SUGCT: variants seen among roughly 807,000 people sequenced by gnomAD.
SUGCT encodes the protein succinyl-CoA:glutarate CoA-transferase.
In SUGCT, 41 loss-of-function variants were observed where a neutral mutation model predicts 55.0. The observed-to-expected ratio is 0.74, with a 90% CI of 0.58 to 0.97. The LOEUF (loss-of-function observed/expected upper bound fraction) is 0.97, where lower values mean the gene tolerates loss of function less well. Ranked by LOEUF, SUGCT falls within the 50% of genes least tolerant of loss-of-function variation. SUGCT has a pLI of 0.00. For missense variants in SUGCT, 568 were observed against 547.8 expected (o/e 1.04, Z -0.37); for synonymous variants, 187 against 200.4 (o/e 0.93, Z 0.56).
the SUGCT span, among the ~76,000 whole-genome samples, chr7:40,958,878 C>T: frequency 6.6e-6 from 1 of 152,146 alleles, no homozygotes; most frequent in African/African-American, 2.4e-5. Flanking sequence ...GATGTTGATG[C>T]TATTGCTTCC....
At chr7:41,005,863 T>G in the SUGCT span, among the ~76,000 whole-genome samples, 1 of 152,212 alleles carries the variant, frequency 6.6e-6, no homozygotes, top group Non-Finnish European at 1.5e-5. Flanking sequence ...CTCAACCTTG[T>G]GTAAGTACTC....
intron 1 of SUGCT, among the ~76,000 whole-genome samples, chr7:40,155,013 G>A (rs1013065433): frequency 2.6e-5 from 4 of 152,180 alleles, no homozygotes; most frequent in Non-Finnish European, 4.4e-5. Flanking sequence ...GAGGCAGGGC[G>A]TGGTGGCTCA....
intron 6 of SUGCT, among the ~76,000 whole-genome samples, chr7:40,235,755 T>C (rs570912296): frequency 6.6e-6 from 1 of 152,294 alleles, no homozygotes; most frequent in South Asian, 2.1e-4. Flanking sequence ...GTATACACTT[T>C]AGTAGGGAGG....
At chr7:41,007,247 C>G in the SUGCT span, among the ~76,000 whole-genome samples, 1 of 152,212 alleles carries the variant, frequency 6.6e-6, no homozygotes, top group Admixed American at 6.5e-5. Flanking sequence ...TCTCAAGTGG[C>G]ACCCTGACTA....
At chr7:40,783,133 C>T (rs1789841395) in intron 13 of SUGCT, among the ~76,000 whole-genome samples, 1 of 152,148 alleles carries the variant, frequency 6.6e-6, no homozygotes, top group East Asian at 1.9e-4. Flanking sequence ...GCCAGAAATG[C>T]AATGAAATCT....
chr7:40,684,756 G>A (rs73124030), intron 12 of SUGCT, among the ~76,000 whole-genome samples: 30,680 of 152,050 alleles, frequency 0.2, 3,225 homozygotes, highest in Non-Finnish European at 0.23. Context: ...GGTTAAATAA[G>A]TAGCTAATAT....
intron 12 of SUGCT, among the ~76,000 whole-genome samples, chr7:40,732,064 G>A (rs1056837481): frequency 2.6e-5 from 4 of 152,144 alleles, no homozygotes; most frequent in African/African-American, 7.2e-5. Flanking sequence ...ACTACAAACC[G>A]GACTGCTTAA....
the SUGCT span, among the ~76,000 whole-genome samples, chr7:40,866,923 T>C: frequency 1.1e-4 from 16 of 151,860 alleles, no homozygotes; most frequent in Middle Eastern, 6.8e-3. Context: ...TGAGGTGAAA[T>C]GAGTAGCTTG....
chr7:40,421,224 C>T (rs913120484), intron 9 of SUGCT, among the ~76,000 whole-genome samples: 1 of 152,166 alleles, frequency 6.6e-6, no homozygotes, highest in East Asian at 1.9e-4. Flanking sequence ...ACTGCTTTTT[C>T]AGTTCTGGGG....
At chr7:40,902,799 G>A in the SUGCT span, among the ~76,000 whole-genome samples, 2 of 151,992 alleles carry the variant, frequency 1.3e-5, no homozygotes, top group African/African-American at 4.8e-5. Context: ...AAGTATTCCT[G>A]CATCCAGTTC....
chr7:40,245,423 A>ATATATTTTTT (rs1344678220), intron 7 of SUGCT, among the ~76,000 whole-genome samples: 1 of 54,580 alleles, frequency 1.8e-5, no homozygotes, highest in Non-Finnish European at 3.3e-5. Flanking sequence ...ATATATATAT[A>ATATATTTTTT]TTTTTTTTTT....
chr7:40,457,553 C>T (rs1478687558), intron 10 of SUGCT, among the ~76,000 whole-genome samples: 1 of 152,112 alleles, frequency 6.6e-6, no homozygotes, highest in African/African-American at 2.4e-5. Context: ...TTATCCCAGG[C>T]AGCACTCTTT....
At chr7:40,904,860 A>G in the SUGCT span, among the ~76,000 whole-genome samples, 6 of 152,178 alleles carry the variant, frequency 3.9e-5, no homozygotes, top group African/African-American at 1.4e-4. Flanking sequence ...TTAACTTCCT[A>G]TTCTTTCACT....
chr7:40,394,671 C>CCCCAGTGCTTCCTCTG (rs1785623565), intron 9 of SUGCT, among the ~76,000 whole-genome samples: 1 of 152,208 alleles, frequency 6.6e-6, no homozygotes, highest in Non-Finnish European at 1.5e-5. Flanking sequence ...ACCAGCATCT[C>CCCCAGTGCTTCCTCTG]CCCAGTGCTT....
rs1404676751 is a variant in SUGCT at position 40,304,750 on chromosome 7, AATAATAATAATC to A, written c.721-12007_721-11996del. On this transcript the variant is annotated intron_variant, in intron 8 of 13. Transcript: ENST00000335693. ...TAATAATAATAATAATAATAATAAT[AATAATAATAATC>A]ATCCAGGTTGCTGTTAATGTCATTA... Among the ~76,000 whole-genome samples, 522 of 80,600 alleles carry A rather than the reference AATAATAATAATC, an allele frequency of 6.5e-3. 5 individuals carry two copies. Among genetic ancestry groups the A allele is most frequent in the Middle Eastern group, 0.024 (5 of 206 alleles). 52.9% of individuals were successfully genotyped at this position (80,600 alleles called of 152,430 possible). A position where few individuals can be genotyped will look rare whatever the true frequency, so the allele number is the denominator to read the frequency against.
intron 9 of SUGCT, among the ~76,000 whole-genome samples, chr7:40,422,168 A>C (rs1405778820): frequency 1.3e-5 from 2 of 151,414 alleles, no homozygotes; most frequent in Admixed American, 1.3e-4. Flanking sequence ...TTTGTAATAT[A>C]AGCTAACTGC....
chr7:40,204,040 G>A (rs1786786610), intron 6 of SUGCT, among the ~76,000 whole-genome samples: 1 of 151,872 alleles, frequency 6.6e-6, no homozygotes, highest in Non-Finnish European at 1.5e-5. Context: ...CTAGGCTGGA[G>A]TGCAGTGGCA....
chr7:40,962,908 A>G, the SUGCT span, among the ~76,000 whole-genome samples: 1 of 152,158 alleles, frequency 6.6e-6, no homozygotes, highest in Admixed American at 6.5e-5. Flanking sequence ...TCTTTTAGGC[A>G]GGTTTCCAGG....
intron 9 of SUGCT, among the ~76,000 whole-genome samples, chr7:40,351,697 A>G (rs1797641308): frequency 6.6e-6 from 1 of 152,212 alleles, no homozygotes; most frequent in South Asian, 2.1e-4. Context: ...CTGACATCAC[A>G]TTTAGAGTTT....
Sources: allele counts gnomAD v4.1 joint callset (sites outside exome capture counted in the v4.1 genomes callset), GRCh38; gene constraint gnomAD v4.1.1; transcripts MANE v1.5; gene names NCBI Gene and HGNC (gene_info 2026-07-23, HGNC 2026-07-21).